SNTG1: variants seen among roughly 807,000 people sequenced by gnomAD.
SNTG1 encodes syntrophin gamma 1, also known as gamma-1-syntrophin.
SNTG1 carries 39 observed loss-of-function variants against 74.7 expected under a neutral mutation model. The ratio of observed to expected loss-of-function variants is 0.52; its 90% confidence interval spans 0.40 to 0.68. SNTG1 has a LOEUF of 0.68. SNTG1 is among the 30% of genes least tolerant of loss of function. SNTG1 has a pLI of 0.00. For missense variants in SNTG1, 685 were observed against 609.5 expected (o/e 1.12, Z -1.30); for synonymous variants, 254 against 217.1 (o/e 1.17, Z -1.49).
chr8:50,151,589 C>A lies in SNTG1; in HGVS notation c.-102-20972C>A, dbSNP rs531413542. On this transcript the variant is annotated intron_variant, in intron 1 of 18. Coordinates refer to ENST00000642720, the MANE Select transcript of SNTG1 (RefSeq NM_018967.5). Reference sequence around the variant, plus strand: ...TCTACATACTGGTTTAAATGTGTCCCAGAGATTCTGGTATGTTTTGTCTTT... The same window carrying A: ...TCTACATACTGGTTTAAATGTGTCCAAGAGATTCTGGTATGTTTTGTCTTT... Among the ~76,000 whole-genome samples the A allele has an allele frequency of 3.3e-5, 5 of 152,240 alleles. No individual in the cohort carries two copies. The East Asian group carries it at 9.6e-4, about 29-fold the overall frequency.
intron 1 of SNTG1, among the ~76,000 whole-genome samples, chr8:50,028,159 T>C (rs1817429158): frequency 6.6e-6 from 1 of 152,162 alleles, no homozygotes; most frequent in Non-Finnish European, 1.5e-5. Flanking sequence ...TAATGTGTTC[T>C]CCATCTCTAT....
At chr8:50,657,639 C>G (rs1175446576) in intron 14 of SNTG1, among the ~76,000 whole-genome samples, 1 of 152,124 alleles carries the variant, frequency 6.6e-6, no homozygotes, top group East Asian at 1.9e-4. Flanking sequence ...TGGTGTTCAA[C>G]ATTTAAATTA....
chr8:49,989,250 AAG>A (rs1813456330), intron 1 of SNTG1, among the ~76,000 whole-genome samples: 1 of 152,012 alleles, frequency 6.6e-6, no homozygotes, highest in Non-Finnish European at 1.5e-5. Context: ...TACTAAAATC[AAG>A]AATGAAAGAA....
At chr8:50,302,148 C>G (rs530375994) in intron 2 of SNTG1, among the ~76,000 whole-genome samples, 1 of 152,168 alleles carries the variant, frequency 6.6e-6, no homozygotes, top group Non-Finnish European at 1.5e-5. Flanking sequence ...TTGAGTGACA[C>G]TTTGCTGACA....
At chr8:50,583,838 A>T (rs2094628591) in intron 12 of SNTG1, among the ~76,000 whole-genome samples, 1 of 150,492 alleles carries the variant, frequency 6.6e-6, no homozygotes, top group African/African-American at 2.5e-5. Context: ...TCTGTTACAT[A>T]TGTATACATG....
At chr8:50,471,193 G>C (rs868282103) in intron 8 of SNTG1, among the ~76,000 whole-genome samples, 6 of 151,782 alleles carry the variant, frequency 4.0e-5, no homozygotes, top group African/African-American at 7.3e-5. Flanking sequence ...TAAATGTCCA[G>C]GTGTCAGCCG....
chr8:50,521,398 C>A (rs1378081207), intron 9 of SNTG1, among the ~76,000 whole-genome samples: 1 of 152,078 alleles, frequency 6.6e-6, no homozygotes, highest in Admixed American at 6.6e-5. Flanking sequence ...GCACATGTAC[C>A]CCAGAACTTA....
chr8:50,742,384 C>T (rs1458899211), intron 17 of SNTG1, among the ~76,000 whole-genome samples: 1 of 151,632 alleles, frequency 6.6e-6, no homozygotes, highest in Non-Finnish European at 1.5e-5. Context: ...CTGGACAATC[C>T]AGAAAGAAAT....
intron 2 of SNTG1, among the ~76,000 whole-genome samples, chr8:50,244,515 A>T (rs563821865): frequency 6.6e-6 from 1 of 152,290 alleles, no homozygotes; most frequent in Non-Finnish European, 1.5e-5. Flanking sequence ...ATCTGATTCC[A>T]AAAGTCTGTG....
chr8:50,399,990 C>T (rs2131341695), intron 3 of SNTG1, among the ~76,000 whole-genome samples: 1 of 152,220 alleles, frequency 6.6e-6, no homozygotes, highest in Non-Finnish European at 1.5e-5. Flanking sequence ...CAAAATAATT[C>T]TAGAATAATA....
intron 5 of SNTG1, among the ~76,000 whole-genome samples, chr8:50,440,644 A>G (rs925694908): frequency 1.3e-5 from 2 of 152,228 alleles, no homozygotes; most frequent in African/African-American, 4.8e-5. Flanking sequence ...AAGTATGCAT[A>G]TAAATACATA....
At chr8:50,007,622 T>A (rs1290278078) in intron 1 of SNTG1, among the ~76,000 whole-genome samples, 2 of 152,124 alleles carry the variant, frequency 1.3e-5, no homozygotes, top group Admixed American at 6.6e-5. Flanking sequence ...ATATGCTACA[T>A]GGCAGGTCAT....
chr8:50,219,585 T>C (rs547371475), intron 2 of SNTG1, among the ~76,000 whole-genome samples: 1 of 152,046 alleles, frequency 6.6e-6, no homozygotes, highest in African/African-American at 2.4e-5. Flanking sequence ...CAAAGGGGAA[T>C]CAGACATGTG....
At chr8:50,585,147 AG>A (rs1563612024) in intron 12 of SNTG1, among the ~76,000 whole-genome samples, 2 of 152,208 alleles carry the variant, frequency 1.3e-5, no homozygotes, top group African/African-American at 2.4e-5. Flanking sequence ...GAAATCAAGC[AG>A]AGATGAATAT....
chr8:49,939,748 A>C (rs185489235), intron 1 of SNTG1, among the ~76,000 whole-genome samples: 8 of 152,262 alleles, frequency 5.3e-5, no homozygotes, highest in Non-Finnish European at 8.8e-5. Flanking sequence ...TCTGTGGTAT[A>C]TTCTATGTTT....
intron 13 of SNTG1, among the ~76,000 whole-genome samples, chr8:50,609,149 C>T (rs2094832901): frequency 6.6e-6 from 1 of 151,894 alleles, no homozygotes; most frequent in Admixed American, 6.6e-5. Flanking sequence ...CTTTTCTTTC[C>T]TGTGAATACA....
intron 5 of SNTG1, among the ~76,000 whole-genome samples, chr8:50,442,963 C>A (rs959473403): frequency 2.6e-5 from 4 of 152,158 alleles, no homozygotes; most frequent in East Asian, 3.9e-4. Flanking sequence ...CTTCTCCCAG[C>A]CCCACCAACT....
At chr8:50,078,714 C>T (rs1287808589) in intron 1 of SNTG1, among the ~76,000 whole-genome samples, 1 of 152,090 alleles carries the variant, frequency 6.6e-6, no homozygotes. Flanking sequence ...CTTTCTCTAG[C>T]CCCCCAACCC....
At chr8:50,478,800 A>G (rs1433229789) in intron 8 of SNTG1, among the ~76,000 whole-genome samples, 1 of 152,144 alleles carries the variant, frequency 6.6e-6, no homozygotes, top group Non-Finnish European at 1.5e-5. Context: ...TTTTAAGTCT[A>G]TTTCACTGGA....
Sources: gnomAD v4.1 joint callset for allele counts (sites outside exome capture counted in the v4.1 genomes callset) on GRCh38, gnomAD v4.1.1 for gene constraint, MANE v1.5 for transcripts, NCBI Gene and HGNC (gene_info 2026-07-23, HGNC 2026-07-21) for gene names.